GALNT9: variants seen among roughly 807,000 people sequenced by gnomAD.
The protein encoded by GALNT9 is GalNAc transferase 9.
Under a neutral mutation model 63.1 loss-of-function variants are expected in GALNT9, and 47 were observed. The observed-to-expected ratio is 0.75, with a 90% CI of 0.59 to 0.95. GALNT9 has a LOEUF of 0.95. Ranked by LOEUF, GALNT9 falls within the 40% of genes least tolerant of loss-of-function variation. The pLI is 0.00. For missense variants in GALNT9, 829 were observed against 874.8 expected, an observed-to-expected ratio of 0.95 and a Z score of 0.66; for synonymous variants, 396 against 365.7, an observed-to-expected ratio of 1.08 and a Z score of -0.94.
rs1034118004 is a variant in GALNT9 at position 132,286,632 on chromosome 12, G to A, written c.239-202C>T. Among the ~76,000 whole-genome samples, 7 of 152,200 alleles carry A rather than the reference G, an allele frequency of 4.6e-5. No individual in the cohort carries two copies. Among genetic ancestry groups the A allele is most frequent in the Admixed American group, 3.3e-4 (5 of 15,278 alleles). ...GCGGAGTGAGAGGGCGGTGCCAGGC[G>A]GAAGAGGGAGGGATGAATGGGTGGT... On this transcript the variant is annotated intron_variant, in intron 1 of 10. Coordinates refer to ENST00000328957, the MANE Select transcript of GALNT9 (RefSeq NM_001122636.2). The surrounding 1 kb of genome is among the most constrained non-coding windows in gnomAD (Gnocchi z 7.4).
intron 1 of GALNT9, among the ~76,000 whole-genome samples, chr12:132,317,040 C>T (rs1194215499): frequency 6.6e-6 from 1 of 151,632 alleles, no homozygotes; most frequent in Non-Finnish European, 1.5e-5. Flanking sequence ...TGGTCCTATT[C>T]TACACCCCAC....
At chr12:132,199,477 G>A (rs1313091623) in intron 8 of GALNT9, among the ~76,000 whole-genome samples, 1 of 152,122 alleles carries the variant, frequency 6.6e-6, no homozygotes, top group African/African-American at 2.4e-5. Context: ...TGTCCGCCAT[G>A]CACAGATGGA....
chr12:132,225,285 A>C (rs1877607570), intron 6 of GALNT9, among the ~76,000 whole-genome samples: 2 of 105,834 alleles, frequency 1.9e-5, no homozygotes, highest in Admixed American at 1.1e-4. Context: ...CCCACCCCAC[A>C]CTACATACAC....
At chr12:132,267,309 G>T (rs1879638670) in intron 2 of GALNT9, among the ~76,000 whole-genome samples, 1 of 152,176 alleles carries the variant, frequency 6.6e-6, no homozygotes, top group Non-Finnish European at 1.5e-5. Context: ...GGCCACTGGA[G>T]CAGGCCACAC....
Position 132,198,257 on chromosome 12 carries a change from C to T in GALNT9, c.1498-298G>A, listed in dbSNP as rs147080942. ...GTGGCTCAGACCCAGAGCGCGGCCC[C>T]ACTCGTTTCGGGGAGGACAGGAGTT... On this transcript the variant is annotated intron_variant, in intron 9 of 10. Transcript: ENST00000328957. Among the ~76,000 whole-genome samples the T allele has an allele frequency of 3.0e-4, 45 of 152,372 alleles. No individual in the cohort carries two copies. The East Asian group carries it at 7.5e-3, about 25-fold the overall frequency.
At chr12:132,202,374 A>G (rs1190972546) in intron 7 of GALNT9, among the ~76,000 whole-genome samples, 1 of 152,162 alleles carries the variant, frequency 6.6e-6, no homozygotes, top group Non-Finnish European at 1.5e-5. Flanking sequence ...GCACGTGTCT[A>G]CGGCTCCTGA....
At chr12:132,240,565 T>C in intron 6 of GALNT9, 2 of 449,544 alleles carry the variant, frequency 4.4e-6, no homozygotes, top group South Asian at 1.6e-5. Context: ...AGCTGTGGGC[T>C]CCGTGCGTGG....
intron 4 of GALNT9, among the ~76,000 whole-genome samples, chr12:132,258,200 C>G (rs1879215385): frequency 2.0e-5 from 3 of 152,172 alleles, no homozygotes; most frequent in African/African-American, 7.2e-5. Flanking sequence ...CATAAGAGGT[C>G]AGCTATGTCC....
chr12:132,207,351 G>A (rs145885274), intron 6 of GALNT9, among the ~76,000 whole-genome samples: 277 of 152,316 alleles, frequency 1.8e-3, no homozygotes, highest in African/African-American at 6.5e-3. Flanking sequence ...AATAGCTGCG[G>A]AACGAATGTG....
At chr12:132,213,115 GA>G (rs1349609166) in intron 6 of GALNT9, among the ~76,000 whole-genome samples, 1 of 49,130 alleles carries the variant, frequency 2.0e-5, no homozygotes, top group East Asian at 2.0e-3. Context: ...GCAGCCTTCA[GA>G]CCTCGACACG....
chr12:132,260,030 C>A (rs1325815944), intron 4 of GALNT9, among the ~76,000 whole-genome samples: 1 of 73,452 alleles, frequency 1.4e-5, no homozygotes, highest in African/African-American at 2.9e-5. Flanking sequence ...GGGCGCGGGG[C>A]CTGCCTGGGT....
Position 132,236,377 on chromosome 12 carries a change from T to C in GALNT9, c.1077+11533A>G, listed in dbSNP as rs1252459974. On this transcript the variant is annotated intron_variant, in intron 6 of 10. Transcript: ENST00000328957. This position sits in a 1 kb window ranked among gnomAD's most constrained non-coding sequence, Gnocchi z 5.6. ...GGCTGCGGGCTCCAGGCCTGGTGTC[T>C]CTGGAGGGGGCCTCGGAACCGGAGG... Among the ~76,000 whole-genome samples, 2 of 151,872 alleles carry C rather than the reference T, an allele frequency of 1.3e-5. No individual in the cohort carries two copies. The highest frequency in any genetic ancestry group is 1.5e-5 in the Non-Finnish European group (1 of 67,944).
intron 1 of GALNT9, among the ~76,000 whole-genome samples, chr12:132,320,305 C>T (rs980333910): frequency 3.9e-5 from 6 of 152,212 alleles, no homozygotes; most frequent in African/African-American, 4.8e-5. Flanking sequence ...TCCCGGGTTC[C>T]GATTCCGCCT....
Position 132,196,382 on chromosome 12 carries a change from C to T in GALNT9, c.*725G>A, listed in dbSNP as rs926380803. The T allele has an allele frequency of 1.9e-4, 183 of 945,488 alleles. 1 individual carries two copies. The highest frequency in any genetic ancestry group is 9.2e-4 in the African/African-American group (52 of 56,550). 58.6% of individuals were successfully genotyped at this position (945,488 alleles called of 1,614,324 possible). On this transcript the variant is annotated 3_prime_UTR_variant, in exon 11 of 11. Transcript: ENST00000328957. ...TAGTAAGCAACTGGGTGTGGCTGGG[C>T]GCCAATAAAACTGTATTTATTAAAA...
rs570778199 is a variant in GALNT9, at chr12:132,258,469, G to A, written c.762-583C>T. On this transcript the variant is annotated intron_variant, in intron 4 of 10. Coordinates refer to ENST00000328957, the MANE Select transcript of GALNT9 (RefSeq NM_001122636.2). ...AGTGGAACCTGCATGAGTGTGCAGCGGCCCCGCTCAAGGACGGGACGGAGG... is the reference window on the plus strand; with the variant it reads ...AGTGGAACCTGCATGAGTGTGCAGCAGCCCCGCTCAAGGACGGGACGGAGG... Among the ~76,000 whole-genome samples the A allele has an allele frequency of 7.2e-5, 11 of 152,336 alleles. No homozygotes were observed. In the East Asian group the frequency reaches 1.2e-3, roughly 16 times the overall value.
At chr12:132,268,343 A>G (rs2135549394) in intron 2 of GALNT9, among the ~76,000 whole-genome samples, 1 of 152,332 alleles carries the variant, frequency 6.6e-6, no homozygotes, top group East Asian at 1.9e-4. Flanking sequence ...AACACTTCTT[A>G]TTCTGGATAA....
chr12:132,204,834 C>T (rs1021708842), intron 6 of GALNT9, among the ~76,000 whole-genome samples: 1 of 152,146 alleles, frequency 6.6e-6, no homozygotes, highest in Non-Finnish European at 1.5e-5. Context: ...GGGTCTGATC[C>T]ACGTGGCCCA....
At chr12:132,230,168 G>A (rs1047017550) in intron 6 of GALNT9, among the ~76,000 whole-genome samples, 179 of 152,172 alleles carry the variant, frequency 1.2e-3, no homozygotes, top group Middle Eastern at 0.01. Flanking sequence ...GAGAGGCCGC[G>A]CACAGCCACC....
chr12:132,226,821 A>AGCTTTTTCTTTGGG (rs1877711257), intron 6 of GALNT9, among the ~76,000 whole-genome samples: 1 of 148,404 alleles, frequency 6.7e-6, no homozygotes, highest in East Asian at 2.0e-4. Context: ...CACATCCCAT[A>AGCTTTTTCTTTGGG]AACACACCCC....
Sources: gnomAD v4.1 joint callset for allele counts (sites outside exome capture counted in the v4.1 genomes callset) on GRCh38, gnomAD v4.1.1 for gene constraint, Gnocchi (gnomAD v3.1) non-coding constraint, MANE v1.5 for transcripts, NCBI Gene and HGNC (gene_info 2026-07-23, HGNC 2026-07-21) for gene names.